Variants in PCDHA4 observed in about 807,000 individuals in gnomAD.
The protein encoded by PCDHA4 is protocadherin alpha 4.
PCDHA4 carries 49 observed loss-of-function variants against 61.4 expected under a neutral mutation model. That is an observed-to-expected ratio of 0.80 (90% CI 0.63 to 1.01). The LOEUF (loss-of-function observed/expected upper bound fraction) is 1.01, where lower values mean the gene tolerates loss of function less well. Ranked by LOEUF, PCDHA4 falls within the 50% of genes least tolerant of loss-of-function variation. The pLI is 0.00. For missense variants in PCDHA4, 1,254 were observed against 1,235.8 expected (o/e 1.01, Z -0.22); for synonymous variants, 590 against 550.3 (o/e 1.07, Z -1.01).
intron 1 of PCDHA4, chr5:140,929,215 T>C (rs1554206842): frequency 1.2e-6 from 2 of 1,613,934 alleles, no homozygotes; most frequent in East Asian, 2.2e-5. Context: ...GCGTGGGGAG[T>C]ACAATGCTGC....
intron 1 of PCDHA4, chr5:140,841,437 C>A (rs2150315470): frequency 1.2e-6 from 2 of 1,612,838 alleles, no homozygotes; most frequent in Non-Finnish European, 1.7e-6. Context: ...CCCGAGGAGG[C>A]CAAACACGGC....
intron 1 of PCDHA4, chr5:140,856,443 T>C: frequency 6.3e-7 from 1 of 1,598,282 alleles, no homozygotes; most frequent in Non-Finnish European, 8.6e-7. Flanking sequence ...CCGCCCAGGT[T>C]CTCCGTAACA....
chr5:140,847,780 T>C (rs1554141908), intron 1 of PCDHA4: 1 of 149,906 alleles, frequency 6.7e-6, no homozygotes, highest in Non-Finnish European at 1.5e-5. Context: ...TTCTCGCTTT[T>C]CTTGCAATAT....
chr5:140,939,634 G>T (rs1032922800), intron 1 of PCDHA4, among the ~76,000 whole-genome samples: 12 of 152,184 alleles, frequency 7.9e-5, no homozygotes, highest in South Asian at 4.1e-4. Flanking sequence ...AATCAATAAG[G>T]GTACTGAAAA....
chr5:140,822,270 A>C (rs2150115049), intron 1 of PCDHA4: 1 of 1,614,138 alleles, frequency 6.2e-7, no homozygotes, highest in Non-Finnish European at 8.5e-7. Flanking sequence ...GAGCAAATGC[A>C]CAATTGAGAT....
intron 1 of PCDHA4, chr5:140,871,041 T>G (rs782091626): frequency 6.2e-7 from 1 of 1,613,310 alleles, no homozygotes; most frequent in South Asian, 1.1e-5. Flanking sequence ...GCCACCGACT[T>G]CTAGTACTGG....
At chr5:140,888,309 C>T (rs1175163005) in intron 1 of PCDHA4, among the ~76,000 whole-genome samples, 1 of 152,138 alleles carries the variant, frequency 6.6e-6, no homozygotes, top group Admixed American at 6.5e-5. Context: ...GATAATTTGG[C>T]AATGCCTGGA....
intron 1 of PCDHA4, chr5:140,928,268 G>A: frequency 6.2e-7 from 1 of 1,614,164 alleles, no homozygotes; most frequent in Non-Finnish European, 8.5e-7. Context: ...GAAAACAATG[G>A]CCCTGGGGCC....
chr5:140,831,837 T>C (rs1771726817), intron 1 of PCDHA4, among the ~76,000 whole-genome samples: 1 of 152,194 alleles, frequency 6.6e-6, no homozygotes, highest in Non-Finnish European at 1.5e-5. Flanking sequence ...GTTTCAATGA[T>C]AGAATTGTCA....
At chr5:140,930,306 CAT>C (rs1554207728) in intron 1 of PCDHA4, 1 of 152,052 alleles carries the variant, frequency 6.6e-6, no homozygotes, top group East Asian at 1.9e-4. Context: ...AAGTAAATAT[CAT>C]ATTTGAGAGT....
At chr5:140,926,986 C>T (rs782199565) in intron 1 of PCDHA4, 1 of 1,610,712 alleles carries the variant, frequency 6.2e-7, no homozygotes, top group Non-Finnish European at 8.5e-7. Flanking sequence ...GGAGACGGAG[C>T]GGGGCGTAGC....
At chr5:140,852,191 G>A in intron 1 of PCDHA4, 1 of 725,566 alleles carries the variant, frequency 1.4e-6, no homozygotes, top group Non-Finnish European at 1.7e-6. Context: ...GAAAATGCCA[G>A]TAACGTTTAT....
intron 1 of PCDHA4, among the ~76,000 whole-genome samples, chr5:140,820,130 T>G (rs1281249333): frequency 6.6e-6 from 1 of 152,018 alleles, no homozygotes; most frequent in African/African-American, 2.4e-5. Context: ...CATTGTGTAT[T>G]AAAATATTTC....
chr5:140,850,843 C>T, intron 1 of PCDHA4: 1 of 1,597,346 alleles, frequency 6.3e-7, no homozygotes, highest in African/African-American at 1.3e-5. Flanking sequence ...GCTGGATCTA[C>T]AGAGCGAACG....
intron 1 of PCDHA4, among the ~76,000 whole-genome samples, chr5:140,946,209 T>C (rs2153672553): frequency 6.6e-6 from 1 of 152,022 alleles, no homozygotes; most frequent in East Asian, 1.9e-4. Flanking sequence ...AGCACACAAA[T>C]GACCAACAGG....
chr5:140,951,603 T>G (rs1056623799), intron 1 of PCDHA4, among the ~76,000 whole-genome samples: 2 of 152,094 alleles, frequency 1.3e-5, no homozygotes, highest in African/African-American at 4.8e-5. Flanking sequence ...CTCACTGTTA[T>G]GAGAATAGCA....
chr5:140,868,603 T>C (rs1554162122), intron 1 of PCDHA4: 2 of 153,246 alleles, frequency 1.3e-5, no homozygotes, highest in Non-Finnish European at 2.9e-5. Flanking sequence ...TAGTTTTTCA[T>C]GAGGCCACCT....
chr5:140,828,231 G>A (rs1554131117), intron 1 of PCDHA4: 2 of 1,613,882 alleles, frequency 1.2e-6, no homozygotes, highest in Admixed American at 1.7e-5. Flanking sequence ...TTCGTGGGCC[G>A]GATCGCGCAG....
rs1763848896 is a variant in PCDHA4, at chr5:140,807,140, G to C, written c.-48G>C. ...ACTGACCGATTAAAAGATTTCCCTTGACTTTGAGAAACGATATTTAATCAG... is the reference window on the plus strand; with the variant it reads ...ACTGACCGATTAAAAGATTTCCCTTCACTTTGAGAAACGATATTTAATCAG... On this transcript the variant is annotated 5_prime_UTR_variant, in exon 1 of 4. The change abolishes the stop of an existing upstream ORF in the 5' untranslated region. Transcript: ENST00000530339. 1 of 1,569,662 alleles carries C rather than the reference G, an allele frequency of 6.4e-7. No individual in the cohort carries two copies.
Sources: gnomAD v4.1 joint callset for allele counts (sites outside exome capture counted in the v4.1 genomes callset) on GRCh38, gnomAD v4.1.1 for gene constraint, MANE v1.5 for transcripts, NCBI Gene and HGNC (gene_info 2026-07-23, HGNC 2026-07-21) for gene names.